The following TET1 variants were observed in gnomAD, a reference collection of about 807,000 sequenced individuals.
TET1 encodes methylcytosine dioxygenase TET1.
A neutral mutation model predicts 148.7 loss-of-function variants in TET1; 13 were observed. That is an observed-to-expected ratio of 0.09 (90% CI 0.06 to 0.14). The LOEUF is 0.14. Ranked by LOEUF, TET1 falls within the 10% of genes least tolerant of loss-of-function variation. The probability of loss-of-function intolerance (pLI) is 1.00; values close to 1 mark genes in which losing one functional copy is unlikely to be tolerated. For missense variants in TET1, 2,182 were observed against 2,553.8 expected (o/e 0.85, Z 3.14); for synonymous variants, 907 against 937.2 (o/e 0.97, Z 0.59).
In TET1 at chr10:68,574,013, A is replaced by T. The variant is rs780483452; in HGVS notation, c.1675A>T (p.Thr559Ser). 1.2e-6 allele frequency: 2 copies of T among 1,614,136 alleles called. No individual in the cohort carries two copies. Among genetic ancestry groups the T allele is most frequent in the South Asian group, 2.2e-5 (2 of 91,078 alleles). Residue 559 changes from threonine to serine, a missense_variant, in exon 2 of 12, where the codon ACC becomes TCC. By Grantham distance (58) the Thr-to-Ser change is moderately conservative. Around this residue, in one of 11 missense-constraint regions of TET1, gnomAD observed 665 missense variants for 672.4 expected, o/e 0.99. Coordinates refer to ENST00000373644, the MANE Select transcript of TET1 (RefSeq NM_030625.3). Reference protein sequence around the residue: ...SVTSTVHVVNTTVVTMPVPMV... With the variant: ...SVTSTVHVVNSTVVTMPVPMV... The stretch of plus-strand genomic sequence containing the variant: ...AACCAGCACAGTTCATGTTGTCAAC[A>T]CCACAGTGGTGACTATGCCAGTGCC...
intron 3 of TET1, among the ~76,000 whole-genome samples, chr10:68,643,584 G>T (rs548470605): frequency 2.6e-5 from 4 of 152,178 alleles, no homozygotes; most frequent in Admixed American, 2.6e-4. Flanking sequence ...ACTTTGGGAG[G>T]CTGAGGCGGG....
intron 11 of TET1, among the ~76,000 whole-genome samples, chr10:68,688,087 T>A (rs1049962227): frequency 1.3e-5 from 2 of 152,108 alleles, no homozygotes; most frequent in Admixed American, 1.3e-4. Context: ...ACCTGGCTCT[T>A]ACCAGCTTTT....
intron 3 of TET1, among the ~76,000 whole-genome samples, chr10:68,626,558 A>G (rs2133003060): frequency 6.6e-6 from 1 of 151,202 alleles, no homozygotes; most frequent in African/African-American, 2.4e-5. Flanking sequence ...CTTTATTATT[A>G]TTATTTTGTT....
intron 6 of TET1, among the ~76,000 whole-genome samples, chr10:68,663,032 A>G (rs1260505352): frequency 6.6e-6 from 1 of 152,222 alleles, no homozygotes; most frequent in East Asian, 1.9e-4. Context: ...AGGGTTGGAG[A>G]ATTACCTGTT....
At chr10:68,617,791 C>G (rs2054315493) in intron 3 of TET1, among the ~76,000 whole-genome samples, 2 of 152,184 alleles carry the variant, frequency 1.3e-5, no homozygotes, top group Admixed American at 6.5e-5. Context: ...GGTGATCCAC[C>G]CGCCTCGACC....
intron 6 of TET1, among the ~76,000 whole-genome samples, chr10:68,654,550 G>A (rs535079378): frequency 2.0e-5 from 3 of 152,322 alleles, no homozygotes; most frequent in African/African-American, 4.8e-5. Context: ...CCCCGAGGTG[G>A]AGGTTGCAGT....
intron 3 of TET1, among the ~76,000 whole-genome samples, chr10:68,624,099 C>CTTTCTTTTTTTT (rs1554937832): frequency 2.0e-5 from 3 of 148,030 alleles, no homozygotes; most frequent in African/African-American, 7.4e-5. Flanking sequence ...TTCTTTCTTT[C>CTTTCTTTTTTTT]TTTTCTTTTT....
intron 1 of TET1, among the ~76,000 whole-genome samples, chr10:68,566,536 G>T (rs1388033558): frequency 6.6e-6 from 1 of 151,132 alleles, no homozygotes; most frequent in African/African-American, 2.4e-5. Context: ...TAGATGCCAA[G>T]AATTCAAGTG....
intron 3 of TET1, among the ~76,000 whole-genome samples, chr10:68,635,964 G>A (rs1030802340): frequency 6.6e-6 from 1 of 152,310 alleles, no homozygotes; most frequent in Non-Finnish European, 1.5e-5. Context: ...TCTCCTTGGA[G>A]GTCTACAAAC....
intron 3 of TET1, among the ~76,000 whole-genome samples, chr10:68,615,810 G>A (rs1255042331): frequency 6.6e-6 from 1 of 151,714 alleles, no homozygotes; most frequent in Non-Finnish European, 1.5e-5. Flanking sequence ...CCTACGCCCG[G>A]CTAATTTTGT....
intron 2 of TET1, among the ~76,000 whole-genome samples, chr10:68,598,345 C>T (rs2054010962): frequency 6.6e-6 from 1 of 152,040 alleles, no homozygotes; most frequent in South Asian, 2.1e-4. Flanking sequence ...GAGCTGAGAT[C>T]GCACCATTGC....
At chr10:68,593,187 G>A (rs2053937801) in intron 2 of TET1, among the ~76,000 whole-genome samples, 1 of 137,920 alleles carries the variant, frequency 7.3e-6, no homozygotes, top group African/African-American at 2.8e-5. Flanking sequence ...AGCTGAGATT[G>A]CGCCACTGCA....
Position 68,646,147 on chromosome 10 carries a change from A to T in TET1, c.3418A>T (p.Thr1140Ser). The T allele has an allele frequency of 2.5e-6, 4 of 1,613,208 alleles. No homozygotes were observed. The highest frequency in any genetic ancestry group is 3.4e-6 in the Non-Finnish European group (4 of 1,179,832). Residue 1140 changes from threonine (T) to serine (S), a missense_variant, in exon 4 of 12, where the codon ACA (threonine) becomes TCA (serine). Thr to Ser is a moderately conservative substitution (Grantham distance 58, BLOSUM62 1). Coordinates refer to ENST00000373644, the MANE Select transcript of TET1 (RefSeq NM_030625.3). ...ACACAATAATCATGGTTCATCATTA[A>T]CAAAACAAAAGAACCCAACCCAGAA... Reference protein sequence around the residue: ...SVHNNHGSSLTKQKNPTQKKT... With the variant: ...SVHNNHGSSLSKQKNPTQKKT...
At position 68,645,758 on chromosome 10, in the gene TET1, C is replaced by T. The variant is rs747672308; in HGVS notation, c.3029C>T (p.Ser1010Leu). 1 of 1,614,098 alleles carries T rather than the reference C, an allele frequency of 6.2e-7. No homozygotes were observed. The highest frequency in any genetic ancestry group is 1.7e-5 in the Admixed American group (1 of 60,002). ...TCATTATCTCTTTTTATACCAAAAT[C>T]AAATTCATCCAAGATTGACACCAAT... ...TNSLSLFIPK[S>L]NSSKIDTNKS... The change falls in exon 4 of 12, where the codon TCA becomes TTA. Residue 1010 changes from serine to leucine, a missense_variant. This residue lies in a region of TET1 where 582 missense variants were observed against 599.5 expected (regional missense o/e 0.97). Transcript: ENST00000373644.
At chr10:68,585,555 A>G (rs960409723) in intron 2 of TET1, among the ~76,000 whole-genome samples, 11 of 152,122 alleles carry the variant, frequency 7.2e-5, no homozygotes, top group Admixed American at 6.6e-5. Context: ...GTAGGCTTCA[A>G]TGGTCTGTGA....
intron 2 of TET1, among the ~76,000 whole-genome samples, chr10:68,585,205 T>C (rs2053847706): frequency 6.6e-6 from 1 of 152,172 alleles, no homozygotes. Flanking sequence ...GGCTTCTCCA[T>C]GTTGGTCAGG....
intron 3 of TET1, among the ~76,000 whole-genome samples, chr10:68,630,698 A>T (rs1267678280): frequency 6.6e-6 from 1 of 152,116 alleles, no homozygotes; most frequent in Admixed American, 6.6e-5. Context: ...TCTTGTCTTG[A>T]TAGGGGAGTT....
At chr10:68,621,762 G>A (rs1466681950) in intron 3 of TET1, among the ~76,000 whole-genome samples, 1 of 151,946 alleles carries the variant, frequency 6.6e-6, no homozygotes, top group Non-Finnish European at 1.5e-5. Context: ...AAAACACAAA[G>A]GCTAACCTTA....
intron 6 of TET1, among the ~76,000 whole-genome samples, chr10:68,652,806 A>T (rs1409569997): frequency 6.9e-6 from 1 of 145,948 alleles, no homozygotes; most frequent in Non-Finnish European, 1.5e-5. Context: ...TTTCCACCTT[A>T]GCCTCCAAGT....
Sources: gnomAD v4.1 joint callset for allele counts (sites outside exome capture counted in the v4.1 genomes callset) on GRCh38, gnomAD v4.1.1 for gene constraint, gnomAD v4.1.1 regional missense constraint, MANE v1.5 for transcripts, NCBI Gene and HGNC (gene_info 2026-07-23, HGNC 2026-07-21) for gene names.